DSG1: variants seen among roughly 807,000 people sequenced by gnomAD.
DSG1 encodes desmoglein 1.
A neutral mutation model predicts 97.5 loss-of-function variants in DSG1; 39 were observed. The observed-to-expected ratio is 0.40, with a 90% CI of 0.31 to 0.52. DSG1 has a LOEUF of 0.52. DSG1 is among the 20% of genes least tolerant of loss of function. The pLI, the probability that DSG1 is intolerant of heterozygous loss-of-function variation, is 0.53. For synonymous variants in DSG1, 475 were observed against 443.4 expected (o/e 1.07, Z -0.90); for missense variants, 1,311 against 1,295.4 (o/e 1.01, Z -0.18).
At position 31,354,355 on chromosome 18, in the gene DSG1, T is replaced by C. The variant is rs772093616; in HGVS notation, c.2159T>C (p.Ile720Thr). 7 of 1,614,234 alleles carry C rather than the reference T, an allele frequency of 4.3e-6. No individual in the cohort carries two copies. Among genetic ancestry groups the C allele is most frequent in the Non-Finnish European group, 5.1e-6 (6 of 1,180,024 alleles). ...EGRPSNDCLL[I>T]YDIEGVGSPA... The stretch of plus-strand genomic sequence containing the variant: ...CGCCCATCTAATGACTGTTTGCTCA[T>C]ATATGACATCGAAGGTGTAGGTTCC... Residue 720 changes from isoleucine to threonine, a missense_variant, in exon 15 of 15, where the codon ATA becomes ACA. Ile to Thr is a moderately conservative substitution (Grantham distance 89, BLOSUM62 -1). Transcript: ENST00000257192.
intron 4 of DSG1, among the ~76,000 whole-genome samples, chr18:31,329,531 C>T (rs778539342): frequency 1.3e-5 from 2 of 151,906 alleles, no homozygotes; most frequent in South Asian, 2.1e-4. Flanking sequence ...CATTTTTTTA[C>T]GTCTTTATTT....
At chr18:31,323,342 A>G (rs2071665266) in intron 1 of DSG1, among the ~76,000 whole-genome samples, 1 of 151,946 alleles carries the variant, frequency 6.6e-6, no homozygotes, top group Non-Finnish European at 1.5e-5. Context: ...AGTGTCCTCC[A>G]ATTTCCCTTC....
At chr18:31,354,210 C>T in intron 14 of DSG1, 87 bp from the exon 15 acceptor site, 1 of 1,191,944 alleles carries the variant, frequency 8.4e-7, no homozygotes, top group Non-Finnish European at 1.2e-6. Context: ...TGGAAATGCT[C>T]TGGAAGAAAA....
intron 1 of DSG1, among the ~76,000 whole-genome samples, chr18:31,318,733 A>AT (rs5823798): frequency 0.064 from 9,506 of 149,440 alleles, 390 homozygotes; most frequent in South Asian, 0.13. Flanking sequence ...TTTTTTTTTT[A>AT]TTTTTTTTGT....
chr18:31,339,871 T>C lies in DSG1; in HGVS notation c.1533T>C (p.Ser511=). ...TTNTGRQEST[S]STNYDTSTTS... ...ATACTGGCAGACAAGAAAGTACTTC[T>C]TCCACTAACTATGATACCAGCACAA... is the stretch of plus-strand genomic sequence containing the variant. The change falls in exon 11 of 15, where the codon TCT becomes TCC. Residue 511 remains serine, a synonymous_variant. Transcript: ENST00000257192. 1 of 1,614,128 alleles carries C rather than the reference T, an allele frequency of 6.2e-7. No homozygotes were observed. Among genetic ancestry groups the C allele is most frequent in the Non-Finnish European group, 8.5e-7 (1 of 1,180,012 alleles).
At chr18:31,318,653 C>G (rs1005049154) in intron 1 of DSG1, among the ~76,000 whole-genome samples, 1 of 151,668 alleles carries the variant, frequency 6.6e-6, no homozygotes, top group Admixed American at 6.6e-5. Context: ...AGCACTTTGT[C>G]GTTCAAAATC....
At chr18:31,343,719 GA>G in intron 12 of DSG1, 136 bp downstream of exon 12, 1 of 1,382,780 alleles carries the variant, frequency 7.2e-7, no homozygotes, top group Non-Finnish European at 1.0e-6. Context: ...AAATGAAGAG[GA>G]ATCAGAAACA....
intron 8 of DSG1, among the ~76,000 whole-genome samples, chr18:31,335,440 T>C (rs995659495): frequency 4.6e-5 from 7 of 152,098 alleles, no homozygotes; most frequent in African/African-American, 7.2e-5. Flanking sequence ...GTCCTCAATA[T>C]CTCTATCTGT....
chr18:31,333,181 C>T (rs2071731084), intron 6 of DSG1, among the ~76,000 whole-genome samples: 1 of 152,146 alleles, frequency 6.6e-6, no homozygotes, highest in African/African-American at 2.4e-5. Flanking sequence ...TAACCCACTA[C>T]CTCTCAAAAC....
Position 31,328,335 on chromosome 18 carries a change from T to C in DSG1, c.363T>C (p.Pro121=). The C allele has an allele frequency of 6.2e-7, 1 of 1,612,958 alleles. No individual in the cohort carries two copies. The highest frequency in any genetic ancestry group is 8.5e-7 in the Non-Finnish European group (1 of 1,179,088). The change falls in exon 4 of 15, where the codon CCT becomes CCC. Residue 121 remains proline, a synonymous_variant. Coordinates refer to ENST00000257192, the MANE Select transcript of DSG1 (RefSeq NM_001942.4). Reference sequence around the variant, plus strand: ...CCATAGTTGATCGAGAGGTCACTCCTTTCTTCATTGTAAGTGGACTTCATG... The same window carrying C: ...CCATAGTTGATCGAGAGGTCACTCCCTTCTTCATTGTAAGTGGACTTCATG... ...ITSIVDREVT[P]FFIIYCRALN... is the part of the protein sequence containing the mutation.
intron 11 of DSG1, among the ~76,000 whole-genome samples, chr18:31,340,997 A>G (rs2071785712): frequency 6.6e-6 from 1 of 152,200 alleles, no homozygotes; most frequent in Non-Finnish European, 1.5e-5. Context: ...ATGATGAAAA[A>G]GAAGTACCAC....
At chr18:31,345,926 A>G (rs2071829545) in intron 13 of DSG1, 64 bp from the exon 14 acceptor site, 1 of 1,316,694 alleles carries the variant, frequency 7.6e-7, no homozygotes, top group African/African-American at 1.5e-5. Flanking sequence ...TTACAAGGCA[A>G]GTTGTTACTT....
In DSG1 at chr18:31,331,866, A is replaced by G; in HGVS notation, c.683A>G (p.Glu228Gly). Residue 228 changes from glutamate to glycine, a missense_variant and splice_region_variant, in exon 6 of 15, where the codon GAG becomes GGG. Physicochemically the swap from Glu to Gly is moderately conservative, Grantham distance 98. This residue lies in a region of DSG1 where 259 missense variants were observed against 304.1 expected (regional missense o/e 0.85). Coordinates refer to ENST00000257192, the MANE Select transcript of DSG1 (RefSeq NM_001942.4). ...ACGATGAATAATTTTCTAGACAGAGAGGTAATTCTTTTTCTTTAAGTGGGT... is the reference window on the plus strand; with the variant it reads ...ACGATGAATAATTTTCTAGACAGAGGGGTAATTCTTTTTCTTTAAGTGGGT... Reference protein sequence around the residue: ...IRTMNNFLDREQYGQYALAVR... With the variant: ...IRTMNNFLDRGQYGQYALAVR... The G allele has an allele frequency of 6.2e-7, 1 of 1,611,574 alleles. No homozygotes were observed. The highest frequency in any genetic ancestry group is 8.5e-7 in the Non-Finnish European group (1 of 1,178,500).
In DSG1 at chr18:31,326,898, G is replaced by A. The variant is rs1414136866; in HGVS notation, c.109G>A (p.Gly37Ser). Residue 37 changes from glycine (G) to serine (S), a missense_variant, in exon 3 of 15, where the codon GGC becomes AGC. Coordinates refer to ENST00000257192, the MANE Select transcript of DSG1 (RefSeq NM_001942.4). ...IQVRDYNTKNGTIKWHSIRRQ... is the reference protein window; with the variant it reads ...IQVRDYNTKNSTIKWHSIRRQ... ...GGTAAGAGATTATAACACTAAAAAT[G>A]GCACCATCAAATGGCATTCAATCCG... 6.2e-7 allele frequency: 1 copy of A among 1,613,562 alleles called. No homozygotes were observed. Among genetic ancestry groups the A allele is most frequent in the Non-Finnish European group, 8.5e-7 (1 of 1,179,780 alleles).
At chr18:31,324,403 G>A (rs1053427575) in intron 1 of DSG1, among the ~76,000 whole-genome samples, 2 of 150,856 alleles carry the variant, frequency 1.3e-5, no homozygotes, top group African/African-American at 4.9e-5. Flanking sequence ...CCTCTACTTT[G>A]GAAATTTCAA....
chr18:31,355,353 C>G lies in DSG1; in HGVS notation c.*7C>G. The G allele has an allele frequency of 6.2e-7, 1 of 1,613,462 alleles. No homozygotes were observed. The highest frequency in any genetic ancestry group is 8.5e-7 in the Non-Finnish European group (1 of 1,179,536). On this transcript the variant is annotated 3_prime_UTR_variant, in exon 15 of 15. Coordinates refer to ENST00000257192, the MANE Select transcript of DSG1 (RefSeq NM_001942.4). ...CGTGCAATATAGCAAGTAGTCAGGACCCCAGCTCACTTTTTCATAGTCATT... is the reference window on the plus strand; with the variant it reads ...CGTGCAATATAGCAAGTAGTCAGGAGCCCAGCTCACTTTTTCATAGTCATT...
At chr18:31,329,060 C>T (rs918740872) in intron 4 of DSG1, among the ~76,000 whole-genome samples, 2 of 152,114 alleles carry the variant, frequency 1.3e-5, no homozygotes, top group Non-Finnish European at 2.9e-5. Context: ...CTCACTCGCC[C>T]AGCTCAGAAA....
intron 1 of DSG1, among the ~76,000 whole-genome samples, chr18:31,319,181 G>A (rs879846335): frequency 1.3e-5 from 2 of 152,164 alleles, no homozygotes; most frequent in Non-Finnish European, 2.9e-5. Context: ...AATGTATTAT[G>A]TCAATTTCAC....
chr18:31,339,387 A>T (rs2071774374), intron 10 of DSG1, among the ~76,000 whole-genome samples: 1 of 152,114 alleles, frequency 6.6e-6, no homozygotes, highest in African/African-American at 2.4e-5. Context: ...TTTTAAAAAT[A>T]TCAGCAGGTG....
Sources: gnomAD v4.1 joint callset for allele counts (sites outside exome capture counted in the v4.1 genomes callset) on GRCh38, gnomAD v4.1.1 for gene constraint, gnomAD v4.1.1 regional missense constraint, MANE v1.5 for transcripts, NCBI Gene and HGNC (gene_info 2026-07-23, HGNC 2026-07-21) for gene names.